CHODL: variants seen among roughly 807,000 people sequenced by gnomAD.
CHODL encodes the protein transmembrane protein MT75.
Under a neutral mutation model 34.5 loss-of-function variants are expected in CHODL, and 29 were observed. That is an observed-to-expected ratio of 0.84 (90% CI 0.63 to 1.15). CHODL has a LOEUF of 1.15. Ranked by LOEUF, CHODL falls within the 50% of genes most tolerant of loss-of-function variation. CHODL has a pLI of 0.00. For synonymous variants in CHODL, 125 were observed against 116.1 expected (o/e 1.08, Z -0.49); for missense variants, 332 against 332.5 (o/e 1.00, Z 0.01).
chr21:18,176,494 C>G (rs1436230441), intron 2 of CHODL, among the ~76,000 whole-genome samples: 3 of 152,096 alleles, frequency 2.0e-5, no homozygotes, highest in Admixed American at 6.5e-5. Context: ...TACTCTTGTT[C>G]TAAGATATGC....
At chr21:18,155,132 G>A (rs1237098863) in intron 2 of CHODL, among the ~76,000 whole-genome samples, 1 of 152,118 alleles carries the variant, frequency 6.6e-6, no homozygotes, top group Non-Finnish European at 1.5e-5. Context: ...TAGTACTAGA[G>A]GTGACTATTT....
chr21:18,171,201 T>C (rs10446096), intron 2 of CHODL, among the ~76,000 whole-genome samples: 342 of 698 alleles, frequency 0.49, 117 homozygotes, highest in African/African-American at 0.69. Flanking sequence ...TTCTTTAGTT[T>C]TTTTTTTTTT....
At chr21:18,188,253 T>C (rs774865615) in intron 2 of CHODL, among the ~76,000 whole-genome samples, 12 of 152,192 alleles carry the variant, frequency 7.9e-5, no homozygotes, top group Non-Finnish European at 1.2e-4. Flanking sequence ...TTGATCTTAA[T>C]TCTTGAACAT....
chr21:18,165,805 A>T (rs545889107), intron 2 of CHODL, among the ~76,000 whole-genome samples: 2 of 152,330 alleles, frequency 1.3e-5, no homozygotes, highest in East Asian at 3.9e-4. Context: ...AGACAAGTGT[A>T]TTGAATCTAA....
At position 18,078,992 on chromosome 21, in the gene CHODL, A is replaced by T. The variant is rs184188892; in HGVS notation, c.-45+51021A>T. On this transcript the variant is annotated intron_variant, in intron 2 of 6. Coordinates refer to the CHODL transcript ENST00000400127. Reference sequence around the variant, plus strand: ...GGCTTCTTTTTATTTGTTTATTTGCATATATTTAGGAGGTATAAGTGCAGA... The same window carrying T: ...GGCTTCTTTTTATTTGTTTATTTGCTTATATTTAGGAGGTATAAGTGCAGA... Among the ~76,000 whole-genome samples, 188 of 152,264 alleles carry T rather than the reference A, an allele frequency of 1.2e-3. 1 individual carries two copies. Among genetic ancestry groups the T allele is most frequent in the African/African-American group, 4.4e-3 (182 of 41,574 alleles).
chr21:18,059,154 G>A (rs977117268), intron 2 of CHODL, among the ~76,000 whole-genome samples: 4 of 152,146 alleles, frequency 2.6e-5, no homozygotes, highest in Non-Finnish European at 4.4e-5. Context: ...GTTATAAGAA[G>A]TGACACCGGA....
rs969809457 is a variant in CHODL, at chr21:18,053,907, CATATG to C, written c.-45+25941_-45+25945del. 1.9e-3 allele frequency among the ~76,000 whole-genome samples: 281 copies of C among 150,836 alleles called. 2 individuals are homozygous for C. The highest frequency in any genetic ancestry group is 6.7e-3 in the African/African-American group (275 of 41,348). ...AACATATATAGTATGTGTGATATGA[CATATG>C]ATATATGACATAAATGTGTATAATT... On this transcript the variant is annotated intron_variant, in intron 2 of 6. Coordinates refer to the CHODL transcript ENST00000400127.
At chr21:18,257,829 C>A (rs2074335648) in intron 3 of CHODL, among the ~76,000 whole-genome samples, 1 of 152,186 alleles carries the variant, frequency 6.6e-6, no homozygotes, top group Admixed American at 6.5e-5. Context: ...ATTACTTTAA[C>A]TAGGACGGAT....
At chr21:18,167,209 CTCTGTGTG>C (rs1164203850) in intron 2 of CHODL, among the ~76,000 whole-genome samples, 1,415 of 129,076 alleles carry the variant, frequency 0.011, 19 homozygotes, top group African/African-American at 0.036. Context: ...ATTTCTCTCT[CTCTGTGTG>C]TGTGTGTGTG....
chr21:18,121,775 T>TA (rs2065482565), intron 2 of CHODL, among the ~76,000 whole-genome samples: 1 of 152,180 alleles, frequency 6.6e-6, no homozygotes, highest in Admixed American at 6.5e-5. Context: ...TAACCACTGC[T>TA]AATCACAATT....
chr21:18,141,096 A>G (rs2072795882), intron 2 of CHODL, among the ~76,000 whole-genome samples: 1 of 152,080 alleles, frequency 6.6e-6, no homozygotes, highest in Non-Finnish European at 1.5e-5. Context: ...ATGTAGATAA[A>G]TGCATCAAGC....
chr21:17,947,892 G>T (rs573374020), intron 1 of CHODL, among the ~76,000 whole-genome samples: 1 of 152,232 alleles, frequency 6.6e-6, no homozygotes, highest in African/African-American at 2.4e-5. Context: ...CAAAGTCCTG[G>T]AATCAATCTA....
intron 2 of CHODL, among the ~76,000 whole-genome samples, chr21:18,070,727 G>T (rs1279404163): frequency 6.6e-6 from 1 of 152,072 alleles, no homozygotes; most frequent in South Asian, 2.1e-4. Context: ...AATCAAAGAA[G>T]TGCGTTACAT....
chr21:18,046,561 C>A lies in CHODL; in HGVS notation c.-45+18590C>A, dbSNP rs1055121621. 4.6e-5 allele frequency among the ~76,000 whole-genome samples: 7 copies of A among 151,798 alleles called. No individual in the cohort carries two copies. The East Asian group carries it at 1.4e-3, about 30-fold the overall frequency. On this transcript the variant is annotated intron_variant, in intron 2 of 6. Coordinates refer to the CHODL transcript ENST00000400127. The stretch of plus-strand genomic sequence containing the variant: ...GTAGGTAATGGTAATGTCATTTATT[C>A]AAATGGCAATGACTAGTAGAGGAAC...
chr21:18,022,009 C>T (rs557335887), intron 1 of CHODL, among the ~76,000 whole-genome samples: 8 of 152,240 alleles, frequency 5.3e-5, no homozygotes, highest in East Asian at 1.9e-4. Flanking sequence ...GTGAAGCCCC[C>T]GCCACCAATG....
chr21:18,018,391 T>C (rs962234315), intron 1 of CHODL, among the ~76,000 whole-genome samples: 3 of 152,142 alleles, frequency 2.0e-5, no homozygotes, highest in Non-Finnish European at 2.9e-5. Flanking sequence ...GGGAGGTATT[T>C]GGGTCATGGG....
intron 1 of CHODL, among the ~76,000 whole-genome samples, chr21:17,950,497 A>AACACACAC (rs200120318): frequency 0.044 from 5,791 of 130,246 alleles, 144 homozygotes; most frequent in East Asian, 0.12. Context: ...CTAGATACAC[A>AACACACAC]ACACACACAC....
upstream of CHODL, among the ~76,000 whole-genome samples, chr21:18,242,160 C>T (rs2074088867): frequency 6.6e-6 from 1 of 152,032 alleles, no homozygotes; most frequent in Non-Finnish European, 1.5e-5. Context: ...CTAGAAAGAG[C>T]CCTTAATTTC....
chr21:18,202,482 G>A (rs886240905), intron 2 of CHODL, among the ~76,000 whole-genome samples: 3 of 152,304 alleles, frequency 2.0e-5, no homozygotes, highest in African/African-American at 7.2e-5. Flanking sequence ...GAAAGGTCAT[G>A]CCTTTCTTCA....
Sources: allele counts gnomAD v4.1 joint callset (sites outside exome capture counted in the v4.1 genomes callset), GRCh38; gene constraint gnomAD v4.1.1; transcripts MANE v1.5; gene names NCBI Gene and HGNC (gene_info 2026-07-23, HGNC 2026-07-21).